The following CDH22 variants were observed in gnomAD, a reference collection of about 807,000 sequenced individuals.
CDH22 encodes cadherin-22.
A neutral mutation model predicts 58.4 loss-of-function variants in CDH22; 30 were observed. That is an observed-to-expected ratio of 0.51 (90% CI 0.38 to 0.70). CDH22 has a LOEUF of 0.70. Ranked by LOEUF, CDH22 falls within the 30% of genes least tolerant of loss-of-function variation. CDH22 has a pLI of 0.00. For missense variants in CDH22, 1,014 were observed against 1,233.9 expected (o/e 0.82, Z 2.67); for synonymous variants, 513 against 558.2 (o/e 0.92, Z 1.14).
intron 1 of CDH22, among the ~76,000 whole-genome samples, chr20:46,273,673 C>A (rs111924705): frequency 6.2e-4 from 94 of 152,262 alleles, no homozygotes; most frequent in Non-Finnish European, 1.2e-3. Context: ...GGGAAAGACC[C>A]ATGTAGAATG....
At chr20:46,285,615 T>C (rs2086573079) in intron 1 of CDH22, among the ~76,000 whole-genome samples, 1 of 152,274 alleles carries the variant, frequency 6.6e-6, no homozygotes, top group Non-Finnish European at 1.5e-5. Flanking sequence ...TGCGGTCATC[T>C]GATCCAACGT....
Position 46,174,713 on chromosome 20 carries a change from C to G in CDH22, c.2280G>C (p.Gly760=), listed in dbSNP as rs781533283. ...CGTCGTAGGGCGGCACCGACAGGTC[C>G]CCGTCCGCCAGTGCCACCTTGCGGC... is the stretch of plus-strand genomic sequence containing the variant. ...FISRKVALAD[G]DLSVPPYDAF... Residue 760 remains glycine (G), a synonymous_variant, in exon 12 of 12, where the codon GGG becomes GGC. Transcript: ENST00000537909. The surrounding 1 kb of genome is among the most constrained non-coding windows in gnomAD (Gnocchi z 4.4). The G allele has an allele frequency of 1.3e-6, 2 of 1,556,268 alleles. No homozygotes were observed. The highest frequency in any genetic ancestry group is 3.8e-5 in the Admixed American group (2 of 53,128).
At chr20:46,185,008 C>T (rs1238742521) in intron 10 of CDH22, among the ~76,000 whole-genome samples, 2 of 151,980 alleles carry the variant, frequency 1.3e-5, no homozygotes, top group Admixed American at 1.3e-4. Context: ...ATCTCTTGAC[C>T]CTGGGAGGCA....
intron 1 of CDH22, among the ~76,000 whole-genome samples, chr20:46,302,075 G>A (rs2086654792): frequency 6.6e-6 from 1 of 152,210 alleles, no homozygotes; most frequent in African/African-American, 2.4e-5. Flanking sequence ...CTTCAAGGCT[G>A]CATGGCCTCA....
chr20:46,177,984 G>A lies in CDH22; in HGVS notation c.1877C>T (p.Ala626Val). The change falls in exon 11 of 12, where the codon GCC becomes GTC. Residue 626 changes from alanine (A) to valine (V), a missense_variant. By Grantham distance (64) the Ala-to-Val change is moderately conservative. Transcript: ENST00000537909. ...AACGCAGACCAAGAGGGCGATGAGGGCGCCGGGGCTGAGGGAGGCGGCCAT... is the reference window on the plus strand; with the variant it reads ...AACGCAGACCAAGAGGGCGATGAGGACGCCGGGGCTGAGGGAGGCGGCCAT... ...FVMAASLSPG[A>V]LIALLVCVLI... is the part of the protein sequence containing the mutation. 2 of 1,614,080 alleles carry A rather than the reference G, an allele frequency of 1.2e-6. No individual in the cohort carries two copies. The highest frequency in any genetic ancestry group is 1.7e-6 in the Non-Finnish European group (2 of 1,180,008).
chr20:46,186,710 A>G lies in CDH22; in HGVS notation c.1546-5T>C. The G allele has an allele frequency of 6.2e-7, 1 of 1,613,136 alleles. No homozygotes were observed. The highest frequency in any genetic ancestry group is 8.5e-7 in the Non-Finnish European group (1 of 1,179,394). On this transcript the variant is annotated splice_polypyrimidine_tract_variant and splice_region_variant and intron_variant, in intron 9 of 11. Transcript: ENST00000537909. The stretch of plus-strand genomic sequence containing the variant: ...CACGCTGATGGTCTGGATGAGCTGA[A>G]GGGTGAGGAGGGGATAGAGGGCTAG...
chr20:46,305,856 A>G (rs2086673726), intron 1 of CDH22, among the ~76,000 whole-genome samples: 2 of 152,222 alleles, frequency 1.3e-5, no homozygotes, highest in South Asian at 4.1e-4. Flanking sequence ...CTGTCAGACA[A>G]CTTCAGAATG....
chr20:46,174,356 T>A lies in CDH22; in HGVS notation c.*150A>T. 2 of 569,332 alleles carry A rather than the reference T, an allele frequency of 3.5e-6. No homozygotes were observed. The highest frequency in any genetic ancestry group is 4.6e-5 in the South Asian group (2 of 43,424). The allele number at this position is 569,332 out of a possible 1,614,324, so 35.3% of individuals were successfully genotyped here. On this transcript the variant is annotated 3_prime_UTR_variant, in exon 12 of 12. Transcript: ENST00000537909. The surrounding 1 kb of genome is among the most constrained non-coding windows in gnomAD (Gnocchi z 4.4). ...CCCTAGAGGAGGAGGAATGGAAGAG[T>A]CCGCTCCTAGCAAGTCCCCCCTCCG...
rs1017633679 is a variant in CDH22, at chr20:46,206,791, C to T, written c.1286+3516G>A. Reference sequence around the variant, plus strand: ...TCTCTGCAGGAGAAGGCAAACTCCACGTGGGCAGGGATCCTGTTTTATCAT... The same window carrying T: ...TCTCTGCAGGAGAAGGCAAACTCCATGTGGGCAGGGATCCTGTTTTATCAT... On this transcript the variant is annotated intron_variant, in intron 7 of 11. Coordinates refer to ENST00000537909, the MANE Select transcript of CDH22 (RefSeq NM_021248.3). 8.5e-5 allele frequency among the ~76,000 whole-genome samples: 13 copies of T among 152,332 alleles called. 1 individual carries two copies. Among genetic ancestry groups the T allele is most frequent in the East Asian group, 5.8e-4 (3 of 5,184 alleles).
intron 8 of CDH22, among the ~76,000 whole-genome samples, chr20:46,188,623 A>G (rs1053633835): frequency 2.6e-5 from 4 of 152,178 alleles, no homozygotes; most frequent in Admixed American, 6.5e-5. Context: ...AAGCATTTGT[A>G]AATAACCAGA....
At position 46,177,972 on chromosome 20, in the gene CDH22, AG is replaced by A; in HGVS notation, c.1888del (p.Leu630SerfsTer14). ...ASLSPGALIA[L>X]LVCVLILVVL... Reference sequence around the variant, plus strand: ...AACCAGGATGAGAACGCAGACCAAGAGGGCGATGAGGGCGCCGGGGCTGAGG... The same window carrying A: ...AACCAGGATGAGAACGCAGACCAAGAGGCGATGAGGGCGCCGGGGCTGAGG... On this transcript the variant is annotated frameshift_variant, in exon 11 of 12. Coordinates refer to ENST00000537909, the MANE Select transcript of CDH22 (RefSeq NM_021248.3). LOFTEE classifies it low-confidence loss of function (END_TRUNC). The A allele has an allele frequency of 6.2e-7, 1 of 1,613,918 alleles. No homozygotes were observed. Among genetic ancestry groups the A allele is most frequent in the Non-Finnish European group, 8.5e-7 (1 of 1,179,946 alleles).
intron 1 of CDH22, among the ~76,000 whole-genome samples, chr20:46,271,439 A>G (rs2086488380): frequency 6.6e-6 from 1 of 152,116 alleles, no homozygotes; most frequent in African/African-American, 2.4e-5. Flanking sequence ...TTCCATCTTT[A>G]AAAAACAAAA....
chr20:46,262,751 C>A (rs2086439529), intron 1 of CDH22, among the ~76,000 whole-genome samples: 1 of 152,208 alleles, frequency 6.6e-6, no homozygotes, highest in Non-Finnish European at 1.5e-5. Flanking sequence ...CCAAAGCCTG[C>A]ACCTTTAGCC....
intron 1 of CDH22, among the ~76,000 whole-genome samples, chr20:46,272,607 T>G (rs978785398): frequency 6.6e-6 from 1 of 152,134 alleles, no homozygotes; most frequent in African/African-American, 2.4e-5. Flanking sequence ...TCCAAGAGAC[T>G]GTCATGGAAA....
intron 1 of CDH22, among the ~76,000 whole-genome samples, chr20:46,293,383 C>A (rs151010431): frequency 1.3e-5 from 2 of 152,152 alleles, no homozygotes; most frequent in Non-Finnish European, 2.9e-5. Context: ...GTAGAAGAGG[C>A]CTTGCTTCTT....
At chr20:46,306,043 G>A (rs897327270) in intron 1 of CDH22, among the ~76,000 whole-genome samples, 1 of 152,224 alleles carries the variant, frequency 6.6e-6, no homozygotes, top group Non-Finnish European at 1.5e-5. Context: ...CACTTTTAGG[G>A]GCCAAACTTT....
intron 4 of CDH22, among the ~76,000 whole-genome samples, chr20:46,225,870 G>A (rs1568665031): frequency 6.6e-6 from 1 of 151,776 alleles, no homozygotes; most frequent in East Asian, 1.9e-4. Flanking sequence ...AAAAAATAAT[G>A]AAGATACTTT....
At chr20:46,246,343 CA>C in intron 2 of CDH22, among the ~76,000 whole-genome samples, 1 of 152,304 alleles carries the variant, frequency 6.6e-6, no homozygotes, top group East Asian at 1.9e-4. Flanking sequence ...CTCTCCTCCC[CA>C]CTTTAATCCT....
chr20:46,278,897 A>C (rs1005086003), intron 1 of CDH22, among the ~76,000 whole-genome samples: 5 of 152,100 alleles, frequency 3.3e-5, no homozygotes, highest in African/African-American at 7.2e-5. Flanking sequence ...CATTTTGTGG[A>C]TTTCTGGCTC....
Sources: allele counts gnomAD v4.1 joint callset (sites outside exome capture counted in the v4.1 genomes callset), GRCh38; gene constraint gnomAD v4.1.1; non-coding constraint Gnocchi (gnomAD v3.1); transcripts MANE v1.5; gene names NCBI Gene and HGNC (gene_info 2026-07-23, HGNC 2026-07-21).